The following CD33 variants were observed in gnomAD, a reference collection of about 807,000 sequenced individuals.
CD33 encodes myeloid cell surface antigen CD33.
A neutral mutation model predicts 31.4 loss-of-function variants in CD33; 25 were observed. The observed-to-expected ratio is 0.80, with a 90% CI of 0.58 to 1.11. CD33 has a LOEUF of 1.11. Ranked by LOEUF, CD33 falls within the 50% of genes most tolerant of loss-of-function variation. CD33 has a pLI of 0.00. For missense variants in CD33, 407 were observed against 448.1 expected (o/e 0.91, Z 0.83); for synonymous variants, 176 against 180.6 (o/e 0.97, Z 0.20).
At position 51,236,664 on chromosome 19, in the gene CD33, G is replaced by C. The variant is rs144383289; in HGVS notation, c.924+988G>C. The C allele has an allele frequency of 2.0e-5, 3 of 152,290 alleles. No individual in the cohort carries two copies. In the East Asian group the frequency reaches 5.8e-4, roughly 29 times the overall value. 9.4% of individuals were successfully genotyped at this position (152,290 alleles called of 1,614,324 possible). A position where few individuals can be genotyped will look rare whatever the true frequency, so the allele number is the denominator to read the frequency against. On this transcript the variant is annotated intron_variant, in intron 6 of 6. Coordinates refer to ENST00000262262, the MANE Select transcript of CD33 (RefSeq NM_001772.4). ...ACCCCTAAACATACTTCTCCTGATG[G>C]GTTCTCCATCTCGCTGATGGCACTC...
intron 4 of CD33, among the ~76,000 whole-genome samples, chr19:51,227,160 G>C (rs375998504): frequency 6.6e-6 from 1 of 151,896 alleles, no homozygotes; most frequent in African/African-American, 2.4e-5. Context: ...TCCTATTGTG[G>C]ATAATGCTGC....
At chr19:51,223,156 G>C (rs531778015), upstream of CD33, among the ~76,000 whole-genome samples, 18 of 152,120 alleles carry the variant, frequency 1.2e-4, no homozygotes, top group African/African-American at 3.9e-4. Context: ...GGAGGTCAAG[G>C]CTGCAGTGAA....
chr19:51,237,932 T>C (rs1981907196), intron 6 of CD33: 1 of 152,220 alleles, frequency 6.6e-6, no homozygotes, highest in South Asian at 2.1e-4. Flanking sequence ...ATGAATCTGA[T>C]GTGGAGAAAT....
In CD33 at chr19:51,239,766, G is replaced by T. The variant is rs921991535; in HGVS notation, c.*78G>T. 2 of 1,177,844 alleles carry T rather than the reference G, an allele frequency of 1.7e-6. No individual in the cohort carries two copies. The highest frequency in any genetic ancestry group is 1.5e-5 in the African/African-American group (1 of 65,024). 73.0% of individuals were successfully genotyped at this position (1,177,844 alleles called of 1,614,324 possible). Reference sequence around the variant, plus strand: ...CGGGGACCAAAGGCTGATTCTTGGAGATTTAACACCCCACAGGCAATGGGT... The same window carrying T: ...CGGGGACCAAAGGCTGATTCTTGGATATTTAACACCCCACAGGCAATGGGT... On this transcript the variant is annotated 3_prime_UTR_variant, in exon 7 of 7. Transcript: ENST00000262262.
At chr19:51,214,335 T>C in the CD33 span, among the ~76,000 whole-genome samples, 6 of 151,942 alleles carry the variant, frequency 3.9e-5, no homozygotes, top group African/African-American at 1.2e-4. Flanking sequence ...GTAGCTGGGA[T>C]TACAGGCACA....
chr19:51,235,410 T>G, intron 5 of CD33, 157 bp downstream of exon 5: 1 of 1,263,106 alleles, frequency 7.9e-7, no homozygotes, highest in South Asian at 1.5e-5. Flanking sequence ...GTGGGTCTAT[T>G]CCAGGGCCCT....
intron 3 of CD33, 103 bp from the exon 4 acceptor site, chr19:51,226,206 G>C (rs1981018134): frequency 6.7e-7 from 1 of 1,499,390 alleles, no homozygotes; most frequent in Non-Finnish European, 9.3e-7. Context: ...CATGAGCCCT[G>C]TCCCTTCTGC....
chr19:51,213,078 A>G, the CD33 span, among the ~76,000 whole-genome samples: 2 of 152,156 alleles, frequency 1.3e-5, no homozygotes, highest in African/African-American at 2.4e-5. Flanking sequence ...GTTCTTTTTA[A>G]TCTTGTGAAA....
chr19:51,211,581 T>A, the CD33 span: 1 of 1,506,264 alleles, frequency 6.6e-7, no homozygotes, highest in Non-Finnish European at 8.9e-7. Flanking sequence ...TCTCTGTGCA[T>A]GTGACAGGTG....
the CD33 span, among the ~76,000 whole-genome samples, chr19:51,215,870 ATCC>A: frequency 1.3e-5 from 2 of 151,902 alleles, no homozygotes; most frequent in Admixed American, 1.3e-4. Context: ...TCACTGAACC[ATCC>A]TCACCTTTTG....
At chr19:51,213,283 T>G in the CD33 span, among the ~76,000 whole-genome samples, 7 of 152,142 alleles carry the variant, frequency 4.6e-5, no homozygotes, top group East Asian at 5.8e-4. Flanking sequence ...ATTTTAATCA[T>G]TTTAAATTGT....
chr19:51,231,553 T>C (rs1037572583), intron 4 of CD33, among the ~76,000 whole-genome samples: 2 of 151,796 alleles, frequency 1.3e-5, no homozygotes. Context: ...TTTTATATAT[T>C]CCTGGTTCCT....
chr19:51,239,326 GAATC>G (rs1256155692), intron 6 of CD33, 188 bp from the exon 7 acceptor site: 6 of 426,234 alleles, frequency 1.4e-5, no homozygotes, highest in African/African-American at 1.2e-4. Flanking sequence ...AGAGAATTGC[GAATC>G]AATCAATACG....
At position 51,225,951 on chromosome 19, in the gene CD33, CA is replaced by C; in HGVS notation, c.568del (p.Arg190GlyfsTer9). The C allele has an allele frequency of 6.2e-7, 1 of 1,614,120 alleles. No homozygotes were observed. The highest frequency in any genetic ancestry group is 1.6e-4 in the Middle Eastern group (1 of 6,062). On this transcript the variant is annotated frameshift_variant, in exon 3 of 7. Transcript: ENST00000262262. LOFTEE classifies it high-confidence loss of function. ...LSAAPTSLGP[R>X]TTHSSVLIIT... Reference sequence around the variant, plus strand: ...CAGCTGCCCCCACCTCCCTGGGCCCCAGGACTACTCACTCCTCGGTGCTCAT... The same window carrying C: ...CAGCTGCCCCCACCTCCCTGGGCCCCGGACTACTCACTCCTCGGTGCTCAT...
upstream of CD33, among the ~76,000 whole-genome samples, chr19:51,224,640 T>C (rs1865667974): frequency 6.6e-6 from 1 of 152,138 alleles, no homozygotes; most frequent in Non-Finnish European, 1.5e-5. Flanking sequence ...GACTCTTCTT[T>C]GTTTCTCTGC....
At chr19:51,228,045 G>A (rs917729691) in intron 4 of CD33, among the ~76,000 whole-genome samples, 8 of 151,948 alleles carry the variant, frequency 5.3e-5, no homozygotes, top group African/African-American at 1.7e-4. Flanking sequence ...GATTAATTTC[G>A]GTGTTCTCTA....
At chr19:51,235,825 A>G in intron 6 of CD33, 149 bp downstream of exon 6, 1 of 761,652 alleles carries the variant, frequency 1.3e-6, no homozygotes, top group Non-Finnish European at 2.3e-6. Flanking sequence ...TTTTTCAGGT[A>G]CGTTGAGGCC....
chr19:51,229,433 C>A (rs140923808), intron 4 of CD33, among the ~76,000 whole-genome samples: 129 of 152,196 alleles, frequency 8.5e-4, no homozygotes, highest in African/African-American at 3.0e-3. Context: ...GTTGCCTCCA[C>A]TTCAATTTTT....
chr19:51,211,710 G>A, the CD33 span: 3 of 829,632 alleles, frequency 3.6e-6, no homozygotes, highest in African/African-American at 5.1e-5. Context: ...CTCAGGGGAG[G>A]ACCCGGACCA....
Sources: allele counts gnomAD v4.1 joint callset (sites outside exome capture counted in the v4.1 genomes callset), GRCh38; gene constraint gnomAD v4.1.1; transcripts MANE v1.5; gene names NCBI Gene and HGNC (gene_info 2026-07-23, HGNC 2026-07-21).